TPR: variants seen among roughly 807,000 people sequenced by gnomAD.
The protein encoded by TPR is translocated promoter region, nuclear basket protein, also known as nucleoprotein TPR.
A neutral mutation model predicts 316.1 loss-of-function variants in TPR; 51 were observed. That is an observed-to-expected ratio of 0.16 (90% CI 0.13 to 0.20). TPR has a LOEUF of 0.20. Among genes scored for constraint, TPR ranks in the 10% least tolerant of loss-of-function variants. TPR has a pLI of 1.00. For missense variants in TPR, 2,272 were observed against 2,754.8 expected, an observed-to-expected ratio of 0.82 and a Z score of 3.92; for synonymous variants, 981 against 914.7, an observed-to-expected ratio of 1.07 and a Z score of -1.31.
rs186150247 is a variant in TPR, at chr1:186,314,069, A to G, written c.7037-43T>C. On this transcript the variant is annotated intron_variant, in intron 50 of 50. Transcript: ENST00000367478. ...ATCAAATTGAATATATCTTTTAAGA[A>G]TTCAAAACTAGTGTATTCACTTACC... 217 of 1,567,496 alleles carry G rather than the reference A, an allele frequency of 1.4e-4. 1 individual carries two copies. In the African/African-American group the frequency reaches 2.5e-3, roughly 18 times the overall value.
intron 3 of TPR, among the ~76,000 whole-genome samples, chr1:186,370,250 T>C (rs1418721931): frequency 6.6e-6 from 1 of 152,138 alleles, no homozygotes; most frequent in Non-Finnish European, 1.5e-5. Flanking sequence ...TCTGGCTATC[T>C]GACTTGGACT....
intron 4 of TPR, among the ~76,000 whole-genome samples, chr1:186,366,227 T>C (rs1371062017): frequency 6.6e-6 from 1 of 152,108 alleles, no homozygotes; most frequent in Non-Finnish European, 1.5e-5. Context: ...CTCTGCAACC[T>C]GACCCAGCAA....
Position 186,327,478 on chromosome 1 carries a change from TTCA to T in TPR, c.5868_5870del (p.Asp1956del). ...AACTTACCTCATGTTCTCCATCATT[TTCA>T]TCATCATCCTCTTCTTCATCATCAC... On this transcript the variant is annotated inframe_deletion, in exon 40 of 51. Coordinates refer to ENST00000367478, the MANE Select transcript of TPR (RefSeq NM_003292.3). The T allele has an allele frequency of 6.2e-7, 1 of 1,610,418 alleles. No individual in the cohort carries two copies. Among genetic ancestry groups the T allele is most frequent in the Non-Finnish European group, 8.5e-7 (1 of 1,179,336 alleles).
Position 186,355,627 on chromosome 1 carries a change from A to C in TPR, c.2022+8T>G. 1.2e-6 allele frequency: 2 copies of C among 1,614,098 alleles called. No homozygotes were observed. Among genetic ancestry groups the C allele is most frequent in the Non-Finnish European group, 1.7e-6 (2 of 1,180,004 alleles). On this transcript the variant is annotated splice_region_variant and intron_variant, in intron 16 of 50. Coordinates refer to ENST00000367478, the MANE Select transcript of TPR (RefSeq NM_003292.3). ...AAACCTAACCCAGGACAAAGGTGTG[A>C]TCTTTACCTGTTTAAGGGCAGCCTT...
intron 17 of TPR, among the ~76,000 whole-genome samples, chr1:186,354,490 T>C (rs892725225): frequency 2.0e-5 from 3 of 152,122 alleles, no homozygotes; most frequent in Admixed American, 2.0e-4. Context: ...GCTAGAGGTA[T>C]CAACAGAGAA....
chr1:186,329,614 A>T (rs1327104373), intron 39 of TPR, among the ~76,000 whole-genome samples: 1 of 152,148 alleles, frequency 6.6e-6, no homozygotes, highest in African/African-American at 2.4e-5. Context: ...GGTGTGGAAC[A>T]TTACACACGT....
chr1:186,312,428 T>G lies in TPR; in HGVS notation c.*1543A>C. 1.4e-6 allele frequency: 2 copies of G among 1,466,138 alleles called. No homozygotes were observed. The highest frequency in any genetic ancestry group is 1.9e-6 in the Non-Finnish European group (2 of 1,070,900). 90.8% of individuals were successfully genotyped at this position (1,466,138 alleles called of 1,614,324 possible). A position where few individuals can be genotyped will look rare whatever the true frequency, so the allele number is the denominator to read the frequency against. ...TAAACATAAGTAGATGTAATACAGTTTCTTATACAGTAAGGCTTATGAAAT... is the reference window on the plus strand; with the variant it reads ...TAAACATAAGTAGATGTAATACAGTGTCTTATACAGTAAGGCTTATGAAAT... On this transcript the variant is annotated 3_prime_UTR_variant, in exon 51 of 51. Transcript: ENST00000367478.
In TPR at chr1:186,325,780, A is replaced by G. The variant is rs1309712162; in HGVS notation, c.6096T>C (p.Ala2032=). Residue 2032 remains alanine (A), a synonymous_variant, in exon 42 of 51, where the codon GCT becomes GCC. Coordinates refer to ENST00000367478, the MANE Select transcript of TPR (RefSeq NM_003292.3). ...AAATCTCACCACTGTTTTGAGAATC[A>G]GCAGCTCTGTGATTACCTTCACCTC... ...MGGGEGNHRA[A]DSQNSGEGNT... is the part of the protein sequence containing the mutation. The G allele has an allele frequency of 4.3e-6, 7 of 1,613,020 alleles. No individual in the cohort carries two copies. Among genetic ancestry groups the G allele is most frequent in the Non-Finnish European group, 3.4e-6 (4 of 1,179,422 alleles).
chr1:186,362,687 AT>A (rs1659233440), intron 6 of TPR, 149 bp downstream of exon 6: 4 of 763,216 alleles, frequency 5.2e-6, no homozygotes, highest in Admixed American at 3.3e-5. Flanking sequence ...CAATTGGTTG[AT>A]TTTTTACGCC....
intron 2 of TPR, among the ~76,000 whole-genome samples, chr1:186,373,157 C>A (rs1659584340): frequency 6.6e-6 from 1 of 152,116 alleles, no homozygotes; most frequent in African/African-American, 2.4e-5. Flanking sequence ...GAATAAGAAT[C>A]CAGACCTCCT....
intron 17 of TPR, among the ~76,000 whole-genome samples, chr1:186,354,254 G>C (rs1423215149): frequency 1.3e-5 from 2 of 151,996 alleles, no homozygotes; most frequent in Non-Finnish European, 2.9e-5. Context: ...CAAGTTCTAA[G>C]TAAGCAAAGT....
chr1:186,373,324 C>A (rs767146357), intron 2 of TPR, 35 bp downstream of exon 2: 72 of 1,513,430 alleles, frequency 4.8e-5, no homozygotes, highest in Non-Finnish European at 6.4e-6. Flanking sequence ...TTTCGATACT[C>A]CGAGAATACT....
rs1201340144 is a variant in TPR, at chr1:186,367,822, C to T, written c.427+64G>A. 5 of 1,210,182 alleles carry T rather than the reference C, an allele frequency of 4.1e-6. No individual in the cohort carries two copies. In the Admixed American group the frequency reaches 9.5e-5, roughly 23 times the overall value. 75.0% of individuals were successfully genotyped at this position (1,210,182 alleles called of 1,614,324 possible). ...GCAACAGAAATGGGCTGAGCACTAACTCCTAGCACTAACAGAAGAAAAATA... is the reference window on the plus strand; with the variant it reads ...GCAACAGAAATGGGCTGAGCACTAATTCCTAGCACTAACAGAAGAAAAATA... On this transcript the variant is annotated intron_variant, in intron 4 of 50. Coordinates refer to ENST00000367478, the MANE Select transcript of TPR (RefSeq NM_003292.3).
At position 186,318,617 on chromosome 1, in the gene TPR, A is replaced by G; in HGVS notation, c.6665-14T>C. 1 of 1,604,462 alleles carries G rather than the reference A, an allele frequency of 6.2e-7. No homozygotes were observed. Among genetic ancestry groups the G allele is most frequent in the Non-Finnish European group, 8.5e-7 (1 of 1,177,238 alleles). On this transcript the variant is annotated splice_polypyrimidine_tract_variant and intron_variant, in intron 47 of 50. Coordinates refer to ENST00000367478, the MANE Select transcript of TPR (RefSeq NM_003292.3). ...TAAATACAGTCACTTTAAAAAGACA[A>G]CACAAGAAAAAGAACTTTAAAACTT...
chr1:186,363,317 G>T, intron 5 of TPR, 25 bp downstream of exon 5: 1 of 1,519,316 alleles, frequency 6.6e-7, no homozygotes, highest in Non-Finnish European at 9.1e-7. Context: ...TATAGTTTAT[G>T]CATTAGGAAT....
At chr1:186,331,122 C>A (rs887274330) in intron 39 of TPR, among the ~76,000 whole-genome samples, 1 of 151,910 alleles carries the variant, frequency 6.6e-6, no homozygotes, top group Admixed American at 6.6e-5. Context: ...TACTTTAATT[C>A]TGTAAGGGAA....
rs773528160 is a variant in TPR at position 186,341,149 on chromosome 1, A to T, written c.3899T>A (p.Leu1300Gln). The change falls in exon 29 of 51, where the codon CTG (leucine) becomes CAG (glutamine). Residue 1300 changes from leucine to glutamine, a missense_variant. By Grantham distance (113) the Leu-to-Gln change is moderately radical. This residue lies in a region of TPR where 757 missense variants were observed against 859.8 expected (regional missense o/e 0.88). Transcript: ENST00000367478. ...LQQMQAKVRK[L>Q]ELDILPLQEA... is the part of the protein sequence containing the mutation. ...TTGTAAGGGTAAAATATCTAACTCC[A>T]GTTTCCTCACCTGAAAATCATGCCA... is the stretch of plus-strand genomic sequence containing the variant. 1 of 1,613,958 alleles carries T rather than the reference A, an allele frequency of 6.2e-7. No homozygotes were observed. The highest frequency in any genetic ancestry group is 8.5e-7 in the Non-Finnish European group (1 of 1,179,986).
At chr1:186,344,716 T>C (rs1658625235) in intron 24 of TPR, 138 bp from the exon 25 acceptor site, 1 of 644,398 alleles carries the variant, frequency 1.6e-6, no homozygotes, top group Admixed American at 4.2e-5. Flanking sequence ...AAGAAAATAA[T>C]TAAAAGTTAA....
intron 36 of TPR, 106 bp downstream of exon 36, chr1:186,334,219 G>GTGA: frequency 8.7e-7 from 1 of 1,155,030 alleles, no homozygotes; most frequent in South Asian, 2.0e-5. Context: ...TTACAATGAC[G>GTGA]TGACTTCAGC....
Sources: allele counts gnomAD v4.1 joint callset (sites outside exome capture counted in the v4.1 genomes callset), GRCh38; gene constraint gnomAD v4.1.1; regional missense constraint gnomAD v4.1.1; transcripts MANE v1.5; gene names NCBI Gene and HGNC (gene_info 2026-07-23, HGNC 2026-07-21).